The following DIXDC1 variants were observed in gnomAD, a reference collection of about 807,000 sequenced individuals.
DIXDC1 encodes dixin.
DIXDC1 carries 64 observed loss-of-function variants against 103.1 expected under a neutral mutation model. That is an observed-to-expected ratio of 0.62 (90% CI 0.51 to 0.76). The LOEUF (loss-of-function observed/expected upper bound fraction) is 0.76. Ranked by LOEUF, DIXDC1 falls within the 30% of genes least tolerant of loss-of-function variation. DIXDC1 has a pLI of 0.00. For missense variants in DIXDC1, 759 were observed against 834.2 expected (o/e 0.91, Z 1.11); for synonymous variants, 266 against 298.5 (o/e 0.89, Z 1.12).
At chr11:111,928,015 CAAAAAAAA>C (rs782156043) in intron 1 of DIXDC1, among the ~76,000 whole-genome samples, 7 of 68,766 alleles carry the variant, frequency 1.0e-4, no homozygotes, top group Admixed American at 3.4e-4. Context: ...GACTCCATCT[CAAAAAAAA>C]AAAAAAAAAA....
chr11:112,000,784 A>G (rs1008305414), intron 17 of DIXDC1, among the ~76,000 whole-genome samples: 1 of 152,142 alleles, frequency 6.6e-6, no homozygotes, highest in South Asian at 2.1e-4. Context: ...ACAGTGAGAT[A>G]CCACTTTACA....
chr11:111,953,173 G>C (rs145131569), intron 1 of DIXDC1, among the ~76,000 whole-genome samples: 1,648 of 152,274 alleles, frequency 0.011, 35 homozygotes, highest in African/African-American at 0.038. Flanking sequence ...ACATGTATCT[G>C]TTATTTTCCA....
At chr11:112,009,999 T>A (rs907269000) in intron 17 of DIXDC1, among the ~76,000 whole-genome samples, 16 of 152,100 alleles carry the variant, frequency 1.1e-4, no homozygotes, top group Non-Finnish European at 1.9e-4. Context: ...GTATTCAATT[T>A]GGAAAAGAGG....
At chr11:111,970,595 G>A (rs894449078) in intron 3 of DIXDC1, among the ~76,000 whole-genome samples, 3 of 151,500 alleles carry the variant, frequency 2.0e-5, no homozygotes, top group Admixed American at 2.0e-4. Context: ...GCAGGAGGCC[G>A]AGGTTCCAGT....
chr11:111,980,961 G>A lies in DIXDC1; in HGVS notation c.769+112G>A, dbSNP rs185979194. On this transcript the variant is annotated intron_variant, in intron 6 of 19. Transcript: ENST00000440460. ...CCTTCCCCATCTCCATGGTCTGTGCGTGCAGGGTCAGCACTAGAGGGCTCT... is the reference window on the plus strand; with the variant it reads ...CCTTCCCCATCTCCATGGTCTGTGCATGCAGGGTCAGCACTAGAGGGCTCT... 19 of 803,050 alleles carry A rather than the reference G, an allele frequency of 2.4e-5. 1 individual carries two copies. The Middle Eastern group carries it at 7.2e-4, about 30-fold the overall frequency. 49.7% of individuals were successfully genotyped at this position (803,050 alleles called of 1,614,324 possible). A position where few individuals can be genotyped will look rare whatever the true frequency, so the allele number is the denominator to read the frequency against.
rs1402992686 is a variant in DIXDC1, at chr11:111,994,958, GAT to G, written c.1438-59_1438-58del. 4.1e-6 allele frequency: 6 copies of G among 1,467,242 alleles called. No individual in the cohort carries two copies. In the African/African-American group the frequency reaches 7.0e-5, roughly 17 times the overall value. The allele number at this position is 1,467,242 out of a possible 1,614,324, so 90.9% of individuals were successfully genotyped here. A position where few individuals can be genotyped will look rare whatever the true frequency, so the allele number is the denominator to read the frequency against. On this transcript the variant is annotated intron_variant, in intron 14 of 19. Coordinates refer to ENST00000440460, the MANE Select transcript of DIXDC1 (RefSeq NM_001037954.4). ...TGATAAATGTAAAGAAGAAAAATAA[GAT>G]AGCACATCTGGTTTACAATTCTCCC...
chr11:111,999,924 T>G (rs1861014904), intron 17 of DIXDC1, among the ~76,000 whole-genome samples: 2 of 152,074 alleles, frequency 1.3e-5, no homozygotes, highest in Non-Finnish European at 2.9e-5. Context: ...TCACCTGAGG[T>G]CAGGAGTTCG....
intron 6 of DIXDC1, chr11:111,982,107 C>T (rs1242165831): frequency 2.6e-6 from 1 of 380,696 alleles, no homozygotes; most frequent in African/African-American, 2.0e-5. Flanking sequence ...TTAATACTTC[C>T]TAAGAGTTTT....
chr11:111,986,281 T>C (rs1487726981), intron 8 of DIXDC1, among the ~76,000 whole-genome samples: 2 of 152,246 alleles, frequency 1.3e-5, no homozygotes, highest in East Asian at 3.9e-4. Flanking sequence ...CGCCCTGATA[T>C]TTCTCTCCAA....
intron 17 of DIXDC1, among the ~76,000 whole-genome samples, chr11:112,010,217 A>C (rs1441828078): frequency 6.6e-6 from 1 of 152,198 alleles, no homozygotes; most frequent in African/African-American, 2.4e-5. Context: ...CTACGAAGAG[A>C]ATAAAATACC....
intron 19 of DIXDC1, among the ~76,000 whole-genome samples, 159 bp downstream of exon 19, chr11:112,018,044 G>C (rs1388199057): frequency 6.6e-6 from 1 of 152,120 alleles, no homozygotes; most frequent in Admixed American, 6.5e-5. Flanking sequence ...CTAGACAAGT[G>C]GTCATAGAAT....
Position 111,998,233 on chromosome 11 carries a change from C to T in DIXDC1, c.1756+2087C>T, listed in dbSNP as rs1306016317. Among the ~76,000 whole-genome samples, 1 of 152,216 alleles carries T rather than the reference C, an allele frequency of 6.6e-6. No individual in the cohort carries two copies. The highest frequency in any genetic ancestry group is 2.4e-5 in the African/African-American group (1 of 41,456). On this transcript the variant is annotated intron_variant, in intron 17 of 19. Coordinates refer to ENST00000440460, the MANE Select transcript of DIXDC1 (RefSeq NM_001037954.4). This position sits in a 1 kb window ranked among gnomAD's most constrained non-coding sequence, Gnocchi z 4.1. ...ACATATTTACTAAGCATCCATTATT[C>T]ACCATCAATGTTAGATGCTGGAGAT...
chr11:111,961,353 A>C (rs1440017840), intron 1 of DIXDC1, among the ~76,000 whole-genome samples: 2 of 152,200 alleles, frequency 1.3e-5, no homozygotes, highest in Non-Finnish European at 2.9e-5. Flanking sequence ...TTGGCTTGGG[A>C]GTCATATCTG....
intron 5 of DIXDC1, among the ~76,000 whole-genome samples, chr11:111,979,541 C>G (rs1389607639): frequency 6.6e-6 from 1 of 152,220 alleles, no homozygotes; most frequent in African/African-American, 2.4e-5. Context: ...GACTCCTTTT[C>G]CCTGTCACAT....
intron 17 of DIXDC1, among the ~76,000 whole-genome samples, chr11:112,013,653 C>G (rs1861499584): frequency 3.3e-5 from 5 of 152,030 alleles, no homozygotes; most frequent in Admixed American, 3.3e-4. Flanking sequence ...CAACTATATC[C>G]CTAGTACTAA....
At chr11:112,006,920 C>T (rs1338971251) in intron 17 of DIXDC1, among the ~76,000 whole-genome samples, 1 of 152,190 alleles carries the variant, frequency 6.6e-6, no homozygotes, top group Non-Finnish European at 1.5e-5. Flanking sequence ...GATCGCAGCT[C>T]CTCACCAGCA....
chr11:111,954,933 G>GTA (rs1220740869), intron 1 of DIXDC1, among the ~76,000 whole-genome samples: 1 of 151,884 alleles, frequency 6.6e-6, no homozygotes, highest in African/African-American at 2.4e-5. Context: ...ACCCCCATAT[G>GTA]TATATATATA....
intron 2 of DIXDC1, among the ~76,000 whole-genome samples, chr11:111,931,338 CA>C (rs1555167658): frequency 2.0e-5 from 3 of 149,976 alleles, no homozygotes; most frequent in Non-Finnish European, 4.4e-5. Context: ...GACACTGTCT[CA>C]AAAAAAATTT....
At chr11:111,929,922 G>A (rs1592527966) in intron 2 of DIXDC1, 1 of 1,535,420 alleles carries the variant, frequency 6.5e-7, no homozygotes, top group Non-Finnish European at 8.7e-7. Flanking sequence ...TAAGTTTTTG[G>A]TGTACTATTG....
Sources: allele counts gnomAD v4.1 joint callset (sites outside exome capture counted in the v4.1 genomes callset), GRCh38; gene constraint gnomAD v4.1.1; non-coding constraint Gnocchi (gnomAD v3.1); transcripts MANE v1.5; gene names NCBI Gene and HGNC (gene_info 2026-07-23, HGNC 2026-07-21).